The following WWOX variants were observed in gnomAD, a reference collection of about 807,000 sequenced individuals.
WWOX encodes WW domain-containing oxidoreductase.
A neutral mutation model predicts 46.2 loss-of-function variants in WWOX; 69 were observed. The observed-to-expected ratio is 1.49, with a 90% confidence interval of 1.23 to 1.82. The LOEUF is 1.82. WWOX is among the 40% of genes most tolerant of loss of function. The pLI, the probability that WWOX is intolerant of heterozygous loss-of-function variation, is 0.00. For synonymous variants in WWOX, 359 were observed against 202.6 expected (o/e 1.77, Z -6.56); for missense variants, 919 against 542.6 (o/e 1.69, Z -6.89).
chr16:79,152,949 C>T (rs2050310033), intron 8 of WWOX, among the ~76,000 whole-genome samples: 1 of 152,058 alleles, frequency 6.6e-6, no homozygotes, highest in African/African-American at 2.4e-5. Context: ...GAGAGGACTG[C>T]TCCTAGCGTG....
chr16:78,628,711 T>C (rs7205732), intron 8 of WWOX, among the ~76,000 whole-genome samples: 5,406 of 152,200 alleles, frequency 0.036, 337 homozygotes, highest in African/African-American at 0.12. Context: ...TAGAATGGAA[T>C]TTCACTGTTT....
chr16:78,510,119 C>A (rs117687099), intron 8 of WWOX, among the ~76,000 whole-genome samples: 251 of 152,188 alleles, frequency 1.6e-3, no homozygotes, highest in Non-Finnish European at 3.2e-3. Context: ...AATATTCCTT[C>A]AGTGTATTAG....
At chr16:78,842,611 C>G (rs145524809) in intron 8 of WWOX, among the ~76,000 whole-genome samples, 92 of 152,238 alleles carry the variant, frequency 6.0e-4, no homozygotes, top group African/African-American at 2.1e-3. Context: ...TGCCTGTAAT[C>G]CCAGCACTTT....
At chr16:78,636,880 A>G (rs866546350) in intron 8 of WWOX, among the ~76,000 whole-genome samples, 3 of 152,134 alleles carry the variant, frequency 2.0e-5, no homozygotes, top group Non-Finnish European at 2.9e-5. Flanking sequence ...TTAAAGACCA[A>G]TTGTTAAGGA....
intron 5 of WWOX, among the ~76,000 whole-genome samples, chr16:78,202,691 T>G (rs1325919565): frequency 1.3e-5 from 2 of 152,192 alleles, no homozygotes; most frequent in African/African-American, 4.8e-5. Flanking sequence ...TCAGCAGTAT[T>G]TATACCCTGT....
chr16:78,510,711 C>T (rs369558034), intron 8 of WWOX, among the ~76,000 whole-genome samples: 34 of 152,284 alleles, frequency 2.2e-4, no homozygotes, highest in African/African-American at 5.8e-4. Flanking sequence ...TTGTGTGCTA[C>T]AGATCCTTCG....
chr16:78,183,291 A>G (rs2035590632), intron 5 of WWOX, among the ~76,000 whole-genome samples: 1 of 152,172 alleles, frequency 6.6e-6, no homozygotes, highest in Non-Finnish European at 1.5e-5. Context: ...GGAGGGAAGC[A>G]AGGCCTGTAT....
At chr16:78,630,013 C>T (rs1399497140) in intron 8 of WWOX, among the ~76,000 whole-genome samples, 1 of 152,070 alleles carries the variant, frequency 6.6e-6, no homozygotes, top group Non-Finnish European at 1.5e-5. Context: ...TTCTTTTTTT[C>T]TCCTTAGCAC....
At chr16:78,825,845 C>G (rs1392673784) in intron 8 of WWOX, 6 of 623,950 alleles carry the variant, frequency 9.6e-6, no homozygotes, top group Non-Finnish European at 1.8e-5. Flanking sequence ...GGTCATGCTG[C>G]CCTGGGACCC....
intron 8 of WWOX, among the ~76,000 whole-genome samples, chr16:78,629,906 A>G (rs1009214442): frequency 6.6e-6 from 1 of 152,244 alleles, no homozygotes; most frequent in African/African-American, 2.4e-5. Context: ...ATTTTTAGAA[A>G]TAGAAAATTA....
chr16:78,245,854 CA>C (rs2037799650), intron 5 of WWOX, among the ~76,000 whole-genome samples: 1 of 152,146 alleles, frequency 6.6e-6, no homozygotes. Context: ...TTAACCTCTT[CA>C]AAATAAGAGC....
intron 8 of WWOX, among the ~76,000 whole-genome samples, chr16:78,562,280 T>C (rs1407217288): frequency 6.6e-6 from 1 of 152,200 alleles, no homozygotes; most frequent in East Asian, 1.9e-4. Context: ...CATGCAGAAT[T>C]CCTACTCTGA....
intron 5 of WWOX, among the ~76,000 whole-genome samples, chr16:78,184,352 A>T (rs567124487): frequency 1.1e-4 from 17 of 152,252 alleles, no homozygotes; most frequent in African/African-American, 4.1e-4. Flanking sequence ...GTGTTTTCTC[A>T]TGATGCCAGA....
intron 8 of WWOX, among the ~76,000 whole-genome samples, chr16:78,572,369 C>T (rs1166567699): frequency 6.6e-6 from 1 of 152,140 alleles, no homozygotes; most frequent in Admixed American, 6.5e-5. Flanking sequence ...CCACAGTCGG[C>T]AGATGGCTTG....
intron 8 of WWOX, among the ~76,000 whole-genome samples, chr16:78,980,833 T>A (rs992479766): frequency 4.6e-5 from 7 of 152,202 alleles, no homozygotes; most frequent in Non-Finnish European, 7.3e-5. Context: ...TTGAAAGTCC[T>A]CTCTTGGAAG....
chr16:78,193,744 A>G (rs2035956280), intron 5 of WWOX, among the ~76,000 whole-genome samples: 2 of 151,926 alleles, frequency 1.3e-5, no homozygotes, highest in South Asian at 4.2e-4. Context: ...CTAATTTGGG[A>G]TTTTTGTTTG....
chr16:78,665,996 A>T (rs1157226288), intron 8 of WWOX, among the ~76,000 whole-genome samples: 1 of 149,948 alleles, frequency 6.7e-6, no homozygotes, highest in Non-Finnish European at 1.5e-5. Flanking sequence ...AGATACTGAG[A>T]TGTGGGGGCC....
At chr16:78,532,020 G>T (rs1417594469) in intron 8 of WWOX, among the ~76,000 whole-genome samples, 2 of 151,448 alleles carry the variant, frequency 1.3e-5, no homozygotes, top group African/African-American at 4.8e-5. Context: ...ATTAGTTAGA[G>T]ACAGGATCTG....
intron 6 of WWOX, among the ~76,000 whole-genome samples, chr16:78,411,020 C>G (rs1246650629): frequency 6.6e-6 from 1 of 152,142 alleles, no homozygotes; most frequent in Non-Finnish European, 1.5e-5. Flanking sequence ...CAGCAGTTAG[C>G]TTCCATTGGA....
Sources: allele counts gnomAD v4.1 joint callset (sites outside exome capture counted in the v4.1 genomes callset), GRCh38; gene constraint gnomAD v4.1.1; transcripts MANE v1.5; gene names NCBI Gene and HGNC (gene_info 2026-07-23, HGNC 2026-07-21).